RAPGEF4: variants seen among roughly 807,000 people sequenced by gnomAD.
RAPGEF4 encodes RAP guanine-nucleotide-exchange factor (GEF) 4.
Under a neutral mutation model 147.9 loss-of-function variants are expected in RAPGEF4, and 66 were observed. That is an observed-to-expected ratio of 0.45 (90% CI 0.37 to 0.55). RAPGEF4 has a LOEUF of 0.55. Ranked by LOEUF, RAPGEF4 falls within the 20% of genes least tolerant of loss-of-function variation. The pLI is 0.00. For synonymous variants in RAPGEF4, 419 were observed against 442.7 expected, an observed-to-expected ratio of 0.95 and a Z score of 0.67; for missense variants, 1,071 against 1,257.3, an observed-to-expected ratio of 0.85 and a Z score of 2.24.
intron 4 of RAPGEF4, among the ~76,000 whole-genome samples, chr2:172,823,972 T>C (rs950038899): frequency 1.3e-5 from 2 of 152,220 alleles, no homozygotes; most frequent in South Asian, 2.1e-4. Flanking sequence ...CTGACAGGAG[T>C]GGTCACAGTT....
chr2:172,899,736 G>A (rs935877701), intron 4 of RAPGEF4, among the ~76,000 whole-genome samples: 59 of 152,260 alleles, frequency 3.9e-4, no homozygotes, highest in African/African-American at 1.3e-3. Context: ...ACAGCTGATA[G>A]CATCAAGGCT....
At chr2:172,842,757 G>C (rs115879205) in intron 4 of RAPGEF4, among the ~76,000 whole-genome samples, 4 of 152,162 alleles carry the variant, frequency 2.6e-5, no homozygotes, top group Admixed American at 2.0e-4. Context: ...TGCCACTTTC[G>C]TCATAGTCAC....
intron 2 of RAPGEF4, among the ~76,000 whole-genome samples, chr2:172,796,384 G>C (rs558728227): frequency 9.7e-4 from 148 of 152,242 alleles, no homozygotes; most frequent in African/African-American, 3.3e-3. Flanking sequence ...AGGAGATTGA[G>C]ACCATCCTGG....
chr2:173,043,735 C>T (rs1423521286), intron 29 of RAPGEF4, among the ~76,000 whole-genome samples: 2 of 152,192 alleles, frequency 1.3e-5, no homozygotes, highest in African/African-American at 4.8e-5. Flanking sequence ...AGAGCCAGGC[C>T]GCAAAGGCCC....
At chr2:172,798,646 TTC>T (rs1402577391) in intron 3 of RAPGEF4, among the ~76,000 whole-genome samples, 4 of 152,292 alleles carry the variant, frequency 2.6e-5, no homozygotes, top group African/African-American at 9.6e-5. Flanking sequence ...TGGAGGCTTT[TTC>T]ATAGGTAGCA....
chr2:172,935,505 TC>T (rs1686467987), intron 6 of RAPGEF4, among the ~76,000 whole-genome samples: 2 of 152,102 alleles, frequency 1.3e-5, no homozygotes, highest in East Asian at 1.9e-4. Context: ...TGATGTGCAT[TC>T]CGCTGACTGC....
Position 173,024,055 on chromosome 2 carries a change from C to T in RAPGEF4, c.2254-2517C>T, listed in dbSNP as rs140697040. 2.0e-5 allele frequency among the ~76,000 whole-genome samples: 3 copies of T among 152,242 alleles called. No individual in the cohort carries two copies. The East Asian group carries it at 5.8e-4, about 29-fold the overall frequency. On this transcript the variant is annotated intron_variant, in intron 23 of 30. Transcript: ENST00000397081. The stretch of plus-strand genomic sequence containing the variant: ...TGCTACTTGCCCATCAGCTTCGGTT[C>T]AGTTCCCTAAGATTTAAAACTTTGG...
At chr2:172,848,606 C>T (rs577839227) in intron 4 of RAPGEF4, among the ~76,000 whole-genome samples, 30 of 152,200 alleles carry the variant, frequency 2.0e-4, no homozygotes, top group African/African-American at 5.8e-4. Flanking sequence ...GTGGTCTTTC[C>T]GCCCTAGTCT....
chr2:172,736,113 C>A, intron 1 of RAPGEF4, 65 bp downstream of exon 1: 1 of 1,268,730 alleles, frequency 7.9e-7, no homozygotes, highest in East Asian at 3.4e-5. Flanking sequence ...CTGAGACCGC[C>A]GCAGCTCCGC....
intron 29 of RAPGEF4, among the ~76,000 whole-genome samples, chr2:173,047,256 C>T (rs1685591858): frequency 6.6e-6 from 1 of 152,008 alleles, no homozygotes; most frequent in African/African-American, 2.4e-5. Context: ...GGATAGGAGT[C>T]TCTGTTTCTG....
At chr2:172,784,684 T>A (rs1194679970) in intron 1 of RAPGEF4, among the ~76,000 whole-genome samples, 1 of 152,048 alleles carries the variant, frequency 6.6e-6, no homozygotes, top group African/African-American at 2.4e-5. Context: ...ATCATATAAT[T>A]AAAATAATAA....
At chr2:173,005,657 G>C (rs577784632) in intron 17 of RAPGEF4, among the ~76,000 whole-genome samples, 2 of 151,012 alleles carry the variant, frequency 1.3e-5, no homozygotes, top group East Asian at 3.9e-4. Flanking sequence ...CGAGTAGCTG[G>C]AACTACAGGC....
chr2:172,767,027 CT>C (rs1696910352), intron 1 of RAPGEF4, among the ~76,000 whole-genome samples: 1 of 152,094 alleles, frequency 6.6e-6, no homozygotes, highest in African/African-American at 2.4e-5. Flanking sequence ...TGAGAACTTT[CT>C]TTTAAAATGT....
chr2:172,944,144 G>T (rs3769253), intron 6 of RAPGEF4, among the ~76,000 whole-genome samples: 57,329 of 151,926 alleles, frequency 0.38, 11,596 homozygotes, highest in Middle Eastern at 0.48. Flanking sequence ...CTTCTGCTCC[G>T]TCCTTCCTTC....
At chr2:172,771,140 A>T (rs1354336480) in intron 1 of RAPGEF4, among the ~76,000 whole-genome samples, 1 of 152,024 alleles carries the variant, frequency 6.6e-6, no homozygotes, top group East Asian at 1.9e-4. Flanking sequence ...TTATTTAAAA[A>T]ATAAATTTAT....
chr2:172,926,800 G>C (rs1164481014), intron 6 of RAPGEF4, among the ~76,000 whole-genome samples: 1 of 152,132 alleles, frequency 6.6e-6, no homozygotes, highest in Non-Finnish European at 1.5e-5. Flanking sequence ...TCGATCTCTT[G>C]ACCTTGTGAT....
chr2:172,842,332 T>C (rs550514140), intron 4 of RAPGEF4, among the ~76,000 whole-genome samples: 1 of 152,338 alleles, frequency 6.6e-6, no homozygotes, highest in Non-Finnish European at 1.5e-5. Flanking sequence ...GTGGATTGGA[T>C]TGCAGAAGGC....
At chr2:172,979,952 G>A (rs1691503688) in intron 10 of RAPGEF4, among the ~76,000 whole-genome samples, 1 of 152,222 alleles carries the variant, frequency 6.6e-6, no homozygotes, top group Non-Finnish European at 1.5e-5. Context: ...GGGGGGCAGA[G>A]CTTGCAGTGA....
intron 1 of RAPGEF4, among the ~76,000 whole-genome samples, chr2:172,753,651 A>C (rs1695498052): frequency 1.3e-5 from 2 of 152,162 alleles, no homozygotes; most frequent in African/African-American, 2.4e-5. Context: ...TGACTGAAAA[A>C]ATTTAGAAAA....
Sources: allele counts gnomAD v4.1 joint callset (sites outside exome capture counted in the v4.1 genomes callset), GRCh38; gene constraint gnomAD v4.1.1; transcripts MANE v1.5; gene names NCBI Gene and HGNC (gene_info 2026-07-23, HGNC 2026-07-21).